CDIN1: variants seen among roughly 807,000 people sequenced by gnomAD.
CDIN1 encodes CDAN1 interacting nuclease 1, also known as CDAN1-interacting nuclease 1.
A neutral mutation model predicts 45.3 loss-of-function variants in CDIN1; 33 were observed. That is an observed-to-expected ratio of 0.73 (90% CI 0.55 to 0.97). The LOEUF is 0.97. CDIN1 is among the 50% of genes least tolerant of loss of function. The pLI, the probability that CDIN1 is intolerant of heterozygous loss-of-function variation, is 0.00. For synonymous variants in CDIN1, 118 were observed against 124.4 expected, an observed-to-expected ratio of 0.95 and a Z score of 0.34; for missense variants, 303 against 339.4, an observed-to-expected ratio of 0.89 and a Z score of 0.84.
intron 10 of CDIN1, among the ~76,000 whole-genome samples, chr15:36,804,847 A>G (rs114027087): frequency 0.1 from 15,837 of 150,934 alleles, 1,047 homozygotes; most frequent in African/African-American, 0.18. Flanking sequence ...TAATTTTTTT[A>G]TATCTTTAGT....
chr15:36,680,635 T>C (rs2041818709), intron 5 of CDIN1, among the ~76,000 whole-genome samples: 2 of 152,068 alleles, frequency 1.3e-5, no homozygotes, highest in Admixed American at 1.3e-4. Flanking sequence ...GGTTTTGAAC[T>C]CCCCAGGGGA....
chr15:36,597,123 T>C (rs1383811626), intron 1 of CDIN1, among the ~76,000 whole-genome samples: 1 of 152,214 alleles, frequency 6.6e-6, no homozygotes, highest in Non-Finnish European at 1.5e-5. Flanking sequence ...ATAAAATGTA[T>C]GTGCCTATGA....
In CDIN1 at chr15:36,709,299, T is replaced by TA; in HGVS notation, c.610+13dup. The TA allele has an allele frequency of 6.3e-7, 1 of 1,596,604 alleles. No individual in the cohort carries two copies. The highest frequency in any genetic ancestry group is 8.5e-7 in the Non-Finnish European group (1 of 1,170,828). The stretch of plus-strand genomic sequence containing the variant: ...TACAAGTACCAGTTGGTAAGTTCTT[T>TA]AACTCTGTTATGCATTTGTTTTTAG... On this transcript the variant is annotated intron_variant, in intron 9 of 10. Coordinates refer to ENST00000566621, the MANE Select transcript of CDIN1 (RefSeq NM_001321759.2).
At chr15:36,753,512 T>C (rs59880968) in intron 10 of CDIN1, among the ~76,000 whole-genome samples, 1 of 152,066 alleles carries the variant, frequency 6.6e-6, no homozygotes, top group Non-Finnish European at 1.5e-5. Context: ...CCCATTTCAA[T>C]ACCTAGCTTG....
At chr15:36,758,880 A>T (rs2053681211) in intron 10 of CDIN1, among the ~76,000 whole-genome samples, 1 of 152,126 alleles carries the variant, frequency 6.6e-6, no homozygotes, top group Non-Finnish European at 1.5e-5. Flanking sequence ...ATATTGTTAA[A>T]CCTAACCAAA....
intron 1 of CDIN1, chr15:36,613,626 T>G (rs1025429809): frequency 1.4e-6 from 2 of 1,444,710 alleles, no homozygotes; most frequent in African/African-American, 2.8e-5. Context: ...GTGGCCTCCT[T>G]GAACCGTAGG....
At chr15:36,800,899 G>GTATATATATATATA (rs1467289662) in intron 10 of CDIN1, among the ~76,000 whole-genome samples, 1 of 25,810 alleles carries the variant, frequency 3.9e-5, no homozygotes, top group African/African-American at 1.2e-4. Context: ...GTGTGTGTGT[G>GTATATATATATATA]TGTGTGTGTG....
intron 10 of CDIN1, among the ~76,000 whole-genome samples, chr15:36,770,154 A>T (rs968043768): frequency 1.3e-5 from 2 of 151,376 alleles, no homozygotes; most frequent in East Asian, 1.9e-4. Flanking sequence ...TATTCTTTTT[A>T]AAAAACATTA....
At chr15:36,806,359 A>G (rs562192953) in intron 10 of CDIN1, among the ~76,000 whole-genome samples, 2 of 152,190 alleles carry the variant, frequency 1.3e-5, no homozygotes, top group South Asian at 4.2e-4. Flanking sequence ...GGCTGCTCTC[A>G]CTTGCTCAGT....
chr15:36,685,866 T>C (rs537788587), intron 5 of CDIN1, among the ~76,000 whole-genome samples: 2 of 152,154 alleles, frequency 1.3e-5, no homozygotes, highest in African/African-American at 2.4e-5. Context: ...TGAGATACCA[T>C]CTCACACCAG....
At chr15:36,637,034 A>G (rs570760527) in intron 1 of CDIN1, among the ~76,000 whole-genome samples, 10 of 152,334 alleles carry the variant, frequency 6.6e-5, no homozygotes, top group South Asian at 6.2e-4. Flanking sequence ...CAGTACTTAC[A>G]TTGAATGTAC....
intron 5 of CDIN1, among the ~76,000 whole-genome samples, chr15:36,686,856 GGGGAGGAAA>G (rs1237119476): frequency 1.1e-4 from 14 of 132,032 alleles, no homozygotes; most frequent in African/African-American, 2.8e-4. Context: ...GAGGGAGGGA[GGGGAGGAAA>G]GGGAGGAAAG....
chr15:36,733,164 T>C lies in CDIN1; in HGVS notation c.716+23203T>C, dbSNP rs28673747. On this transcript the variant is annotated intron_variant, in intron 10 of 10. Transcript: ENST00000566621. ...TATAAATCTTATATTTTAAGCTTTG[T>C]TTTTTATCACTGTTTACAAAAGCAT... is the stretch of plus-strand genomic sequence containing the variant. 4.3e-3 allele frequency among the ~76,000 whole-genome samples: 655 copies of C among 152,196 alleles called. 5 individuals carry two copies. Among genetic ancestry groups the C allele is most frequent in the African/African-American group, 0.015 (630 of 41,572 alleles).
intron 10 of CDIN1, among the ~76,000 whole-genome samples, chr15:36,724,352 A>G (rs1175204096): frequency 6.6e-6 from 1 of 152,238 alleles, no homozygotes; most frequent in African/African-American, 2.4e-5. Context: ...GACAGGATTC[A>G]CAGAATTTGT....
intron 10 of CDIN1, among the ~76,000 whole-genome samples, chr15:36,717,471 G>A (rs776422280): frequency 7.9e-5 from 12 of 152,056 alleles, no homozygotes; most frequent in Non-Finnish European, 1.5e-5. Flanking sequence ...AATTATTTCA[G>A]GATAATATAT....
At chr15:36,765,057 C>CTTTTTTTTTTTTTTTTTT (rs377685100) in intron 10 of CDIN1, among the ~76,000 whole-genome samples, 2 of 139,640 alleles carry the variant, frequency 1.4e-5, no homozygotes, top group African/African-American at 2.6e-5. Context: ...ATTTTTCTTT[C>CTTTTTTTTTTTTTTTTTT]TTTCTTTTTT....
Position 36,657,858 on chromosome 15 carries a change from C to G in CDIN1, c.299C>G (p.Ala100Gly), listed in dbSNP as rs2040843301. The change falls in exon 5 of 11, where the codon GCT becomes GGT. Residue 100 changes from alanine (A) to glycine (G), a missense_variant. Coordinates refer to ENST00000566621, the MANE Select transcript of CDIN1 (RefSeq NM_001321759.2). ...NEVDYAPSLM[A>G]RLILERFLQE... ...GTGGACTATGCGCCCTCATTAATGG[C>G]TCGGCTTATACTGGAGAGGTTTCTA... The G allele has an allele frequency of 6.2e-7, 1 of 1,611,956 alleles. No homozygotes were observed. The highest frequency in any genetic ancestry group is 1.7e-5 in the Admixed American group (1 of 59,870).
chr15:36,712,640 A>C (rs968701907), intron 10 of CDIN1, among the ~76,000 whole-genome samples: 1 of 152,158 alleles, frequency 6.6e-6, no homozygotes, highest in Non-Finnish European at 1.5e-5. Context: ...TAACATTTCT[A>C]TAAGAGTTTT....
rs147002962 is a variant in CDIN1 at position 36,630,692 on chromosome 15, C to G, written c.102-13586C>G. On this transcript the variant is annotated intron_variant, in intron 1 of 10. Transcript: ENST00000566621. ...AAAGAAAAAAGCTTTACTTGGCTCA[C>G]AGTTCTACAAGCTGTACAAGAAGCA... 0.01 allele frequency among the ~76,000 whole-genome samples: 1,582 copies of G among 152,276 alleles called. 43 individuals carry two copies. The South Asian group carries it at 0.11, about 10-fold the overall frequency.
Sources: allele counts gnomAD v4.1 joint callset (sites outside exome capture counted in the v4.1 genomes callset), GRCh38; gene constraint gnomAD v4.1.1; transcripts MANE v1.5; gene names NCBI Gene and HGNC (gene_info 2026-07-23, HGNC 2026-07-21).